Variants in RGL1 observed in about 807,000 individuals in gnomAD.
RGL1 encodes the protein ral guanine nucleotide dissociation stimulator like 1.
In RGL1, 24 loss-of-function variants were observed where a neutral mutation model predicts 95.2. The observed-to-expected ratio is 0.25, with a 90% confidence interval of 0.18 to 0.35. The LOEUF (loss-of-function observed/expected upper bound fraction) is 0.35, where lower values mean the gene tolerates loss of function less well. RGL1 is among the 10% of genes least tolerant of loss of function. The probability of loss-of-function intolerance (pLI) is 1.00; values close to 1 mark genes in which losing one functional copy is unlikely to be tolerated. For missense variants in RGL1, 715 were observed against 936.3 expected (o/e 0.76, Z 3.08); for synonymous variants, 329 against 344.9 (o/e 0.95, Z 0.51).
chr1:183,744,207 A>G (rs1176352984), intron 2 of RGL1, among the ~76,000 whole-genome samples: 1 of 152,200 alleles, frequency 6.6e-6, no homozygotes, highest in East Asian at 1.9e-4. Flanking sequence ...TTGACACATT[A>G]TGACAATTCC....
chr1:183,668,017 GTGTGTGTGTC>G (rs984095034), intron 1 of RGL1, among the ~76,000 whole-genome samples: 10 of 133,750 alleles, frequency 7.5e-5, no homozygotes, highest in East Asian at 2.0e-4. Flanking sequence ...GTGTGTGTGT[GTGTGTGTGTC>G]TGTGTGTAAT....
In RGL1 at chr1:183,689,078, TA is replaced by T. The variant is rs1324873835; in HGVS notation, c.-33+52582del. ...AAAATTGTATTAAAAATATTCTCTA[TA>T]AAAATATATAACCCAATAAAATGAA... On this transcript the variant is annotated intron_variant, in intron 1 of 18. Coordinates refer to the RGL1 transcript ENST00000304685. Among the ~76,000 whole-genome samples, 4 of 152,250 alleles carry T rather than the reference TA, an allele frequency of 2.6e-5. No individual in the cohort carries two copies. The East Asian group carries it at 7.7e-4, about 29-fold the overall frequency.
At chr1:183,802,421 A>G (rs1304606330), upstream of RGL1, among the ~76,000 whole-genome samples, 2 of 152,088 alleles carry the variant, frequency 1.3e-5, no homozygotes, top group African/African-American at 2.4e-5. Context: ...ATTATTCAGG[A>G]TCCTTCGTAG....
In RGL1 at chr1:183,663,398, C is replaced by T. The variant is rs577842276; in HGVS notation, c.-33+26897C>T. Among the ~76,000 whole-genome samples, 19 of 151,956 alleles carry T rather than the reference C, an allele frequency of 1.3e-4. No individual in the cohort carries two copies. The South Asian group carries it at 2.9e-3, about 23-fold the overall frequency. On this transcript the variant is annotated intron_variant, in intron 1 of 18. Coordinates refer to the RGL1 transcript ENST00000304685. Reference sequence around the variant, plus strand: ...ACAAACAACCCCATCAAAAAGTGGACGAAGGATATGAGCATACACTTCTTA... The same window carrying T: ...ACAAACAACCCCATCAAAAAGTGGATGAAGGATATGAGCATACACTTCTTA...
At chr1:183,896,673 G>A (rs1303544817) in intron 9 of RGL1, among the ~76,000 whole-genome samples, 1 of 152,170 alleles carries the variant, frequency 6.6e-6, no homozygotes, top group East Asian at 1.9e-4. Context: ...CTACTGAATT[G>A]TGCAATTTAC....
intron 1 of RGL1, among the ~76,000 whole-genome samples, chr1:183,706,986 C>G (rs1276601802): frequency 6.6e-6 from 1 of 152,088 alleles, no homozygotes; most frequent in East Asian, 1.9e-4. Flanking sequence ...TTAAACGAGA[C>G]AGAAAAGGGC....
intron 14 of RGL1, among the ~76,000 whole-genome samples, chr1:183,908,778 G>A (rs1269666950): frequency 6.6e-6 from 1 of 152,154 alleles, no homozygotes; most frequent in Non-Finnish European, 1.5e-5. Flanking sequence ...GCAGTCAGAG[G>A]TTCTTAAGGA....
At chr1:183,642,674 T>C (rs1304862952) in intron 1 of RGL1, among the ~76,000 whole-genome samples, 1 of 152,218 alleles carries the variant, frequency 6.6e-6, no homozygotes, top group African/African-American at 2.4e-5. Context: ...TCTCTGTATT[T>C]TGAGACTAGA....
chr1:183,892,134 T>C lies in RGL1; in HGVS notation c.1113T>C (p.His371=). ...LSDIFSDHNN[H]LTSRELLMKE... ...ATATCTTCTCAGACCATAATAACCA[T>C]TTGACCAGCCGAGAACTACTGATGA... The change falls in exon 9 of 18, where the codon CAT becomes CAC. Residue 371 remains histidine, a synonymous_variant. Transcript: ENST00000360851. The C allele has an allele frequency of 1.2e-6, 2 of 1,612,686 alleles. No homozygotes were observed. Among genetic ancestry groups the C allele is most frequent in the Non-Finnish European group, 1.7e-6 (2 of 1,179,212 alleles).
intron 4 of RGL1, among the ~76,000 whole-genome samples, chr1:183,869,170 A>C (rs1369151273): frequency 6.6e-6 from 1 of 152,160 alleles, no homozygotes; most frequent in African/African-American, 2.4e-5. Context: ...CTGTCCCATG[A>C]GGTGTTTTGA....
At chr1:183,850,306 C>A (rs1664756486) in intron 3 of RGL1, among the ~76,000 whole-genome samples, 2 of 128,376 alleles carry the variant, frequency 1.6e-5, no homozygotes, top group African/African-American at 5.0e-5. Context: ...GAAATATTTT[C>A]CTAATTTTTC....
At chr1:183,904,670 A>G (rs1409269373) in intron 12 of RGL1, among the ~76,000 whole-genome samples, 180 bp from the exon 13 acceptor site, 1 of 152,152 alleles carries the variant, frequency 6.6e-6, no homozygotes, top group Non-Finnish European at 1.5e-5. Context: ...TTCTAGTTAG[A>G]ATTTTTAAGA....
chr1:183,904,058 C>T (rs959899477), intron 12 of RGL1, among the ~76,000 whole-genome samples: 1 of 152,156 alleles, frequency 6.6e-6, no homozygotes, highest in South Asian at 2.1e-4. Flanking sequence ...CATTTAACTT[C>T]AGAATAACTG....
intron 4 of RGL1, among the ~76,000 whole-genome samples, chr1:183,876,718 ATG>A (rs903850433): frequency 6.6e-6 from 1 of 152,080 alleles, no homozygotes; most frequent in Non-Finnish European, 1.5e-5. Context: ...GTGGGCACAT[ATG>A]TGTGTGTGTG....
chr1:183,667,039 A>G (rs1652087032), intron 1 of RGL1, among the ~76,000 whole-genome samples: 1 of 152,216 alleles, frequency 6.6e-6, no homozygotes, highest in Non-Finnish European at 1.5e-5. Flanking sequence ...TTAGGCACAC[A>G]CACATTAAGC....
Position 183,907,063 on chromosome 1 carries a change from G to A in RGL1, c.1524G>A (p.Ser508=), listed in dbSNP as rs753600837. 6.2e-6 allele frequency: 10 copies of A among 1,612,170 alleles called. No homozygotes were observed. The highest frequency in any genetic ancestry group is 1.3e-5 in the African/African-American group (1 of 74,850). ...IEAAADASTT[S]PKPRKSMVKR... ...CAGCTGCTGACGCCAGCACCACCTC[G>A]CCCAAGCCTCGGAAGAGCATGGTGA... Residue 508 remains serine (S), a synonymous_variant, in exon 14 of 18, where the codon TCG becomes TCA. Transcript: ENST00000360851.
At chr1:183,745,098 G>C (rs1397067035) in intron 2 of RGL1, among the ~76,000 whole-genome samples, 1 of 152,108 alleles carries the variant, frequency 6.6e-6, no homozygotes, top group African/African-American at 2.4e-5. Flanking sequence ...GGACCTTGTT[G>C]TAACACAAAT....
At chr1:183,906,124 C>G (rs931561322) in intron 13 of RGL1, among the ~76,000 whole-genome samples, 1 of 151,540 alleles carries the variant, frequency 6.6e-6, no homozygotes, top group African/African-American at 2.4e-5. Context: ...AAAAAAAAAA[C>G]TTGAGGTTTA....
intron 10 of RGL1, among the ~76,000 whole-genome samples, chr1:183,899,739 GC>G (rs543595048): frequency 6.6e-6 from 1 of 152,174 alleles, no homozygotes; most frequent in Non-Finnish European, 1.5e-5. Flanking sequence ...TAATAGTGAT[GC>G]CCCATGCTTT....
Sources: gnomAD v4.1 joint callset for allele counts (sites outside exome capture counted in the v4.1 genomes callset) on GRCh38, gnomAD v4.1.1 for gene constraint, MANE v1.5 for transcripts, NCBI Gene and HGNC (gene_info 2026-07-23, HGNC 2026-07-21) for gene names.